Variants in CLYBL observed in about 807,000 individuals in gnomAD.
CLYBL encodes citramalyl-CoA lyase, mitochondrial.
CLYBL carries 31 observed loss-of-function variants against 38.9 expected under a neutral mutation model. The ratio of observed to expected loss-of-function variants is 0.80; its 90% CI spans 0.60 to 1.08. The LOEUF is 1.08. CLYBL is among the 50% of genes least tolerant of loss of function. CLYBL has a pLI of 0.00. For synonymous variants in CLYBL, 171 were observed against 158.6 expected (o/e 1.08, Z -0.59); for missense variants, 434 against 411.6 (o/e 1.05, Z -0.47).
At chr13:99,634,690 A>G (rs1024930761) in intron 1 of CLYBL, among the ~76,000 whole-genome samples, 1 of 152,200 alleles carries the variant, frequency 6.6e-6, no homozygotes, top group South Asian at 2.1e-4. Context: ...TTTAAATGTC[A>G]TGAAATAGCT....
chr13:99,787,307 T>G (rs1319236540), intron 2 of CLYBL, among the ~76,000 whole-genome samples: 8 of 152,246 alleles, frequency 5.3e-5, no homozygotes, highest in Non-Finnish European at 8.8e-5. Flanking sequence ...GCCTAGGTTT[T>G]CTTCTAGGGT....
chr13:99,874,278 C>A (rs894122525), intron 7 of CLYBL, among the ~76,000 whole-genome samples: 5 of 152,204 alleles, frequency 3.3e-5, no homozygotes, highest in Non-Finnish European at 7.3e-5. Context: ...AACTGACTTT[C>A]TTCCATCCTT....
intron 7 of CLYBL, among the ~76,000 whole-genome samples, chr13:99,888,428 A>T (rs2052405639): frequency 6.6e-6 from 1 of 152,214 alleles, no homozygotes; most frequent in African/African-American, 2.4e-5. Flanking sequence ...TATAGCTATT[A>T]TTATTACAGT....
chr13:99,805,240 G>A (rs1358266846), intron 2 of CLYBL, among the ~76,000 whole-genome samples: 2 of 152,190 alleles, frequency 1.3e-5, no homozygotes, highest in Admixed American at 6.5e-5. Context: ...ACACGTGTCT[G>A]TTCGAGTCCC....
intron 9 of CLYBL, among the ~76,000 whole-genome samples, chr13:99,905,963 G>T (rs145651080): frequency 6.6e-6 from 1 of 151,948 alleles, no homozygotes; most frequent in Admixed American, 6.6e-5. Context: ...TTGTAGAAAC[G>T]GGGTCTCACC....
intron 1 of CLYBL, among the ~76,000 whole-genome samples, chr13:99,769,174 A>G (rs995517201): frequency 6.6e-6 from 1 of 152,218 alleles, no homozygotes; most frequent in Non-Finnish European, 1.5e-5. Flanking sequence ...AGGTTGCTCC[A>G]GGAACATGGG....
chr13:99,904,045 T>TAAAAAAAAAAAAAAAAAAA (rs57462379), intron 8 of CLYBL, among the ~76,000 whole-genome samples: 1 of 143,714 alleles, frequency 7.0e-6, no homozygotes, highest in African/African-American at 2.6e-5. Context: ...ACCCCTCTCT[T>TAAAAAAAAAAAAAAAAAAA]AAAAAAAAAA....
At chr13:99,875,749 G>C (rs1206456802) in intron 7 of CLYBL, among the ~76,000 whole-genome samples, 2 of 152,184 alleles carry the variant, frequency 1.3e-5, no homozygotes, top group Non-Finnish European at 2.9e-5. Flanking sequence ...ACGACCCACA[G>C]CCTTCCCTCT....
chr13:99,633,771 A>G (rs892357161), intron 1 of CLYBL, among the ~76,000 whole-genome samples: 2 of 152,214 alleles, frequency 1.3e-5, no homozygotes, highest in African/African-American at 4.8e-5. Context: ...AACTAAATAG[A>G]AATTTTTACC....
At chr13:99,763,336 GTTC>G (rs1194219478) in intron 1 of CLYBL, among the ~76,000 whole-genome samples, 5 of 152,210 alleles carry the variant, frequency 3.3e-5, no homozygotes, top group East Asian at 3.9e-4. Context: ...TTTGAGGTAT[GTTC>G]TTCTTATATC....
chr13:99,784,181 TAATTC>T (rs1362514404), intron 2 of CLYBL, among the ~76,000 whole-genome samples: 1 of 152,142 alleles, frequency 6.6e-6, no homozygotes, highest in East Asian at 1.9e-4. Context: ...TCATTGGAAT[TAATTC>T]AATCAATTCT....
chr13:99,653,411 C>T (rs1435089009), intron 1 of CLYBL, among the ~76,000 whole-genome samples: 4 of 152,112 alleles, frequency 2.6e-5, no homozygotes, highest in Non-Finnish European at 5.9e-5. Context: ...GGGGAGCACC[C>T]AGCACACTTA....
intron 2 of CLYBL, among the ~76,000 whole-genome samples, chr13:99,792,594 C>G (rs1009597549): frequency 6.6e-6 from 1 of 151,772 alleles, no homozygotes; most frequent in Non-Finnish European, 1.5e-5. Flanking sequence ...CTACGCCCCA[C>G]CCCTGGAGTT....
In CLYBL at chr13:99,614,202, C is replaced by T. The variant is rs564158473; in HGVS notation, c.62+7445C>T. On this transcript the variant is annotated intron_variant, in intron 1 of 8. Transcript: ENST00000339105. Reference sequence around the variant, plus strand: ...GAGAAAGAATAAAAAGACCAGTGGTCCAAGATGGTAGACCACAGGTTCAAG... The same window carrying T: ...GAGAAAGAATAAAAAGACCAGTGGTTCAAGATGGTAGACCACAGGTTCAAG... Among the ~76,000 whole-genome samples the T allele has an allele frequency of 2.0e-5, 3 of 152,160 alleles. No homozygotes were observed. In the East Asian group the frequency reaches 5.8e-4, roughly 29 times the overall value.
chr13:99,674,545 A>G (rs1210372098), intron 1 of CLYBL, among the ~76,000 whole-genome samples: 1 of 152,048 alleles, frequency 6.6e-6, no homozygotes, highest in East Asian at 1.9e-4. Flanking sequence ...GTTAGCAGAG[A>G]AATGGTATTT....
intron 2 of CLYBL, among the ~76,000 whole-genome samples, chr13:99,788,012 G>T (rs911780237): frequency 2.0e-5 from 3 of 152,128 alleles, no homozygotes; most frequent in African/African-American, 7.2e-5. Flanking sequence ...TCTGTTATTG[G>T]TGTATAAGAA....
At chr13:99,855,443 A>G (rs2051436888) in intron 2 of CLYBL, among the ~76,000 whole-genome samples, 1 of 152,054 alleles carries the variant, frequency 6.6e-6, no homozygotes, top group Non-Finnish European at 1.5e-5. Flanking sequence ...TTGCTAATCC[A>G]CCTAAGATGG....
intron 2 of CLYBL, among the ~76,000 whole-genome samples, chr13:99,784,613 C>T (rs2049744335): frequency 6.6e-6 from 1 of 151,828 alleles, no homozygotes; most frequent in African/African-American, 2.4e-5. Context: ...CACCACCAGG[C>T]CCAGCTAATT....
Position 99,807,967 on chromosome 13 carries a change from T to C in CLYBL, c.249+34957T>C, listed in dbSNP as rs556802511. On this transcript the variant is annotated intron_variant, in intron 2 of 8. Coordinates refer to ENST00000339105, the MANE Select transcript of CLYBL (RefSeq NM_206808.5). ...CGGAGGAAAGAATTAGGATAGATTG[T>C]AGTTTAGACCCAAGAAAACCAACTC... is the stretch of plus-strand genomic sequence containing the variant. Among the ~76,000 whole-genome samples the C allele has an allele frequency of 2.6e-5, 4 of 152,326 alleles. No individual in the cohort carries two copies. In the East Asian group the frequency reaches 7.7e-4, roughly 29 times the overall value.
Sources: allele counts gnomAD v4.1 joint callset (sites outside exome capture counted in the v4.1 genomes callset), GRCh38; gene constraint gnomAD v4.1.1; transcripts MANE v1.5; gene names NCBI Gene and HGNC (gene_info 2026-07-23, HGNC 2026-07-21).